Variants in OR3A2 observed in about 807,000 individuals in gnomAD.
The protein encoded by OR3A2 is olfactory receptor 3A2.
For missense variants in OR3A2, 318 were observed against 392.8 expected (o/e 0.81, Z 1.61); for synonymous variants, 126 against 159.3 (o/e 0.79, Z 1.57).
At chr17:3,294,159 C>T (rs984332243) in intron 3 of OR3A2, among the ~76,000 whole-genome samples, 5 of 151,228 alleles carry the variant, frequency 3.3e-5, no homozygotes, top group East Asian at 3.9e-4. Flanking sequence ...CCCAACATTT[C>T]GGCCTCTCTA....
chr17:3,350,661 GAATCCTCCCT>G (rs2049412414), intron 2 of OR3A2, among the ~76,000 whole-genome samples: 1 of 150,248 alleles, frequency 6.7e-6, no homozygotes, highest in Non-Finnish European at 1.5e-5. Context: ...GAAAAAGAGG[GAATCCTCCCT>G]AACTCATTTT....
At chr17:3,303,074 G>A (rs545748553) in intron 3 of OR3A2, among the ~76,000 whole-genome samples, 22 of 152,204 alleles carry the variant, frequency 1.4e-4, no homozygotes, top group African/African-American at 5.1e-4. Flanking sequence ...TAGATCAGTA[G>A]GAAAGGACAA....
chr17:3,339,744 G>T (rs917771005), intron 2 of OR3A2, among the ~76,000 whole-genome samples: 4 of 151,870 alleles, frequency 2.6e-5, no homozygotes, highest in African/African-American at 9.7e-5. Context: ...TTTTTTTGTT[G>T]TGTCTCTACC....
intron 2 of OR3A2, among the ~76,000 whole-genome samples, chr17:3,337,213 G>C (rs192302007): frequency 6.6e-6 from 1 of 152,122 alleles, no homozygotes. Flanking sequence ...GTAGGATTAA[G>C]TATATTCACT....
chr17:3,305,957 T>C (rs1351427098), intron 3 of OR3A2, among the ~76,000 whole-genome samples: 2 of 152,122 alleles, frequency 1.3e-5, no homozygotes, highest in Non-Finnish European at 1.5e-5. Flanking sequence ...ACCTGAAAAA[T>C]AGTACTGTGC....
At chr17:3,371,700 AC>A (rs1284114741) in intron 2 of OR3A2, among the ~76,000 whole-genome samples, 4 of 112,908 alleles carry the variant, frequency 3.5e-5, no homozygotes, top group Non-Finnish European at 7.4e-5. Flanking sequence ...GGGGGTGCTG[AC>A]CCCCCCACCT....
intron 2 of OR3A2, among the ~76,000 whole-genome samples, chr17:3,348,613 A>G (rs1305502104): frequency 6.6e-6 from 1 of 152,182 alleles, no homozygotes; most frequent in Non-Finnish European, 1.5e-5. Context: ...TCTGCAGGAT[A>G]TTATCCAGGA....
chr17:3,363,378 C>T (rs964589747), intron 2 of OR3A2, among the ~76,000 whole-genome samples: 9 of 151,794 alleles, frequency 5.9e-5, no homozygotes, highest in Non-Finnish European at 1.2e-4. Flanking sequence ...ATTTCTAGGG[C>T]AGGAGCAACA....
In OR3A2 at chr17:3,302,148, C is replaced by T. The variant is rs113416998; in HGVS notation, c.-84-22995G>A. ...GCTCATGGATAGGAAGAATCAATAG[C>T]GTGAAAATGGCCATACTGCCCAAGG... On this transcript the variant is annotated intron_variant, in intron 3 of 4. Transcript: ENST00000573491. 7.2e-3 allele frequency among the ~76,000 whole-genome samples: 1,089 copies of T among 152,160 alleles called. 5 individuals carry two copies. The highest frequency in any genetic ancestry group is 0.011 in the African/African-American group (438 of 41,524).
intron 2 of OR3A2, among the ~76,000 whole-genome samples, chr17:3,379,560 T>C (rs1360483095): frequency 6.6e-6 from 1 of 152,128 alleles, no homozygotes. Context: ...CCCCAGGTTC[T>C]GGGTGAGGTG....
intron 3 of OR3A2, among the ~76,000 whole-genome samples, chr17:3,335,119 GT>G (rs546129173): frequency 1.1e-4 from 17 of 152,214 alleles, no homozygotes; most frequent in South Asian, 1.0e-3. Context: ...TCATTTGTCT[GT>G]TTGTAAATTG....
intron 2 of OR3A2, among the ~76,000 whole-genome samples, chr17:3,380,381 C>G (rs918773997): frequency 2.0e-5 from 3 of 152,206 alleles, no homozygotes; most frequent in Admixed American, 2.0e-4. Flanking sequence ...CCCCTGATTA[C>G]TGAGCGACTG....
chr17:3,370,023 C>G (rs986840070), intron 2 of OR3A2, among the ~76,000 whole-genome samples: 1 of 151,986 alleles, frequency 6.6e-6, no homozygotes, highest in Non-Finnish European at 1.5e-5. Flanking sequence ...AGGCTGGTCT[C>G]GAACTCATGA....
chr17:3,323,670 A>C (rs888930357), intron 3 of OR3A2, among the ~76,000 whole-genome samples: 2 of 152,082 alleles, frequency 1.3e-5, no homozygotes, highest in Non-Finnish European at 2.9e-5. Flanking sequence ...TTCCTTAAGA[A>C]TGTTGAATAT....
rs534866613 is a variant in OR3A2 at position 3,344,357 on chromosome 17, A to G, written c.-178-8231T>C. Among the ~76,000 whole-genome samples, 3 of 152,148 alleles carry G rather than the reference A, an allele frequency of 2.0e-5. No individual in the cohort carries two copies. The South Asian group carries it at 6.2e-4, about 32-fold the overall frequency. On this transcript the variant is annotated intron_variant, in intron 2 of 4. Coordinates refer to the OR3A2 transcript ENST00000573491. ...TTCCTGCTTTGCGTGTCCTGTAAAT[A>G]TTCACCCTGCATCTGCCAACCACAA... is the stretch of plus-strand genomic sequence containing the variant.
intron 3 of OR3A2, among the ~76,000 whole-genome samples, chr17:3,329,086 T>C (rs942675697): frequency 1.1e-4 from 16 of 151,648 alleles, no homozygotes; most frequent in African/African-American, 3.9e-4. Flanking sequence ...GGATATGCTT[T>C]TTGATGTGCT....
chr17:3,287,285 G>T (rs2048821764), upstream of OR3A2, among the ~76,000 whole-genome samples: 1 of 141,780 alleles, frequency 7.1e-6, no homozygotes, highest in Non-Finnish European at 1.5e-5. Context: ...GAGTGGTCAG[G>T]TCAGGGTGTT....
At chr17:3,350,318 C>G (rs2049409418) in intron 2 of OR3A2, among the ~76,000 whole-genome samples, 1 of 149,910 alleles carries the variant, frequency 6.7e-6, no homozygotes. Flanking sequence ...AGATAAGAAT[C>G]AAATAGATGC....
chr17:3,297,808 A>AT (rs1259278397), intron 3 of OR3A2, among the ~76,000 whole-genome samples: 1 of 152,284 alleles, frequency 6.6e-6, no homozygotes, highest in African/African-American at 2.4e-5. Context: ...GGAGCATCAG[A>AT]TTGGGCTGTA....
Sources: gnomAD v4.1 joint callset for allele counts (sites outside exome capture counted in the v4.1 genomes callset) on GRCh38, gnomAD v4.1.1 for gene constraint, MANE v1.5 for transcripts, NCBI Gene and HGNC (gene_info 2026-07-23, HGNC 2026-07-21) for gene names.